Variants in LRRC7 observed in about 807,000 individuals in gnomAD.
LRRC7 encodes leucine-rich repeat-containing protein 7.
In LRRC7, 23 loss-of-function variants were observed where a neutral mutation model predicts 175.7. The observed-to-expected ratio is 0.13, with a 90% CI of 0.09 to 0.19. The LOEUF is 0.19. Ranked by LOEUF, LRRC7 falls within the 10% of genes least tolerant of loss-of-function variation. The pLI is 1.00. For synonymous variants in LRRC7, 685 were observed against 680.9 expected, an observed-to-expected ratio of 1.01 and a Z score of -0.09; for missense variants, 1,354 against 1,904.7, an observed-to-expected ratio of 0.71 and a Z score of 5.38.
At chr1:69,787,106 G>A (rs909248213) in intron 3 of LRRC7, among the ~76,000 whole-genome samples, 3 of 152,208 alleles carry the variant, frequency 2.0e-5, no homozygotes, top group South Asian at 2.1e-4. Context: ...CACAGGCCCC[G>A]TGCAAGTCCA....
At chr1:70,108,234 G>C (rs575438083) in intron 26 of LRRC7, among the ~76,000 whole-genome samples, 1 of 152,030 alleles carries the variant, frequency 6.6e-6, no homozygotes, top group South Asian at 2.1e-4. Context: ...GCTTATTACT[G>C]TTTGAATGCT....
intron 8 of LRRC7, among the ~76,000 whole-genome samples, chr1:69,980,003 G>A (rs12045140): frequency 0.043 from 6,522 of 152,020 alleles, 167 homozygotes; most frequent in South Asian, 0.1. Context: ...AGGGATGTGA[G>A]GATATAGTGA....
At chr1:69,923,072 G>T (rs1055026154) in intron 7 of LRRC7, among the ~76,000 whole-genome samples, 3 of 151,940 alleles carry the variant, frequency 2.0e-5, no homozygotes, top group African/African-American at 7.3e-5. Flanking sequence ...GCGGTGTTTG[G>T]TTTTTTGTCC....
chr1:69,726,842 C>G (rs891407895), intron 2 of LRRC7, among the ~76,000 whole-genome samples: 1 of 151,946 alleles, frequency 6.6e-6, no homozygotes, highest in African/African-American at 2.4e-5. Context: ...AAAAGAAAGT[C>G]TGAGTTCATA....
intron 1 of LRRC7, among the ~76,000 whole-genome samples, chr1:69,657,438 G>T (rs1368116134): frequency 1.3e-5 from 2 of 151,752 alleles, no homozygotes; most frequent in Non-Finnish European, 3.0e-5. Flanking sequence ...ATATATGGAA[G>T]CAGATTATAA....
intron 23 of LRRC7, among the ~76,000 whole-genome samples, chr1:70,058,764 T>G (rs750819845): frequency 7.9e-5 from 12 of 152,176 alleles, no homozygotes; most frequent in Non-Finnish European, 1.6e-4. Flanking sequence ...CCCTCCTATA[T>G]GTAACAGAAA....
intron 8 of LRRC7, among the ~76,000 whole-genome samples, chr1:69,974,527 T>C (rs1652614120): frequency 1.3e-5 from 2 of 152,196 alleles, no homozygotes; most frequent in African/African-American, 4.8e-5. Flanking sequence ...TCACTAATTT[T>C]TAACGGAAAC....
intron 23 of LRRC7, among the ~76,000 whole-genome samples, chr1:70,061,670 G>A (rs1661587917): frequency 6.6e-6 from 1 of 152,072 alleles, no homozygotes; most frequent in Non-Finnish European, 1.5e-5. Flanking sequence ...TTGACCAAAA[G>A]CCATTTTTTT....
intron 1 of LRRC7, among the ~76,000 whole-genome samples, chr1:69,615,100 G>A (rs1041790424): frequency 1.3e-5 from 2 of 151,868 alleles, no homozygotes; most frequent in Non-Finnish European, 2.9e-5. Context: ...TAAAATTATT[G>A]TTAAATTTTA....
intron 26 of LRRC7, among the ~76,000 whole-genome samples, chr1:70,121,563 G>T (rs1044877654): frequency 6.6e-6 from 1 of 152,010 alleles, no homozygotes; most frequent in South Asian, 2.1e-4. Context: ...TAGCACAGTG[G>T]CAAAGACATA....
chr1:69,719,283 C>G (rs966522265), intron 2 of LRRC7, among the ~76,000 whole-genome samples: 4 of 151,630 alleles, frequency 2.6e-5, no homozygotes, highest in Admixed American at 1.3e-4. Context: ...TTGGCATAGA[C>G]TAGGTACTCA....
Position 70,123,896 on chromosome 1 carries a change from G to A in LRRC7, c.*2009G>A, listed in dbSNP as rs975149136. Among the ~76,000 whole-genome samples the A allele has an allele frequency of 3.3e-5, 5 of 152,124 alleles. No homozygotes were observed. Among genetic ancestry groups the A allele is most frequent in the African/African-American group, 1.2e-4 (5 of 41,422 alleles). ...TGAAACATCTGAAATCATCCCATCA[G>A]TTTTTCTTAATCTTTTATGGGAGAA... On this transcript the variant is annotated 3_prime_UTR_variant, in exon 27 of 27. Coordinates refer to ENST00000651989, the MANE Select transcript of LRRC7 (RefSeq NM_001370785.2).
intron 8 of LRRC7, among the ~76,000 whole-genome samples, chr1:69,932,454 T>C (rs375612313): frequency 9.9e-5 from 15 of 152,258 alleles, no homozygotes; most frequent in African/African-American, 3.6e-4. Context: ...AGATAATGTA[T>C]GTACAGGACC....
intron 1 of LRRC7, among the ~76,000 whole-genome samples, chr1:69,622,856 A>G (rs1026356587): frequency 6.6e-6 from 1 of 152,158 alleles, no homozygotes; most frequent in African/African-American, 2.4e-5. Flanking sequence ...TGAAAACTCA[A>G]GTTACTAAAT....
chr1:69,837,775 G>A (rs1681279430), intron 6 of LRRC7, among the ~76,000 whole-genome samples: 2 of 151,374 alleles, frequency 1.3e-5, no homozygotes, highest in Admixed American at 1.3e-4. Flanking sequence ...TTAATTTTAG[G>A]AAAATGATAT....
chr1:69,905,252 T>TTTATTA (rs36050545), intron 7 of LRRC7, among the ~76,000 whole-genome samples: 132 of 150,090 alleles, frequency 8.8e-4, no homozygotes, highest in Non-Finnish European at 1.2e-3. Context: ...GTAAGTTCTT[T>TTTATTA]TTATTATTAT....
At chr1:69,937,414 G>C (rs1648157576) in intron 8 of LRRC7, among the ~76,000 whole-genome samples, 1 of 151,902 alleles carries the variant, frequency 6.6e-6, no homozygotes, top group Non-Finnish European at 1.5e-5. Context: ...TGCATTTATT[G>C]ATATTCCATT....
chr1:69,908,078 A>G (rs1029198527), intron 7 of LRRC7, among the ~76,000 whole-genome samples: 6 of 152,000 alleles, frequency 3.9e-5, no homozygotes, highest in Non-Finnish European at 5.9e-5. Flanking sequence ...TCTGATGGTA[A>G]TTTGTATTTC....
intron 23 of LRRC7, among the ~76,000 whole-genome samples, chr1:70,072,757 G>C (rs4650026): frequency 0.15 from 23,381 of 152,224 alleles, 2,870 homozygotes; most frequent in African/African-American, 0.33. Context: ...AACTGTAAAG[G>C]TCGAAGTCAC....
Sources: gnomAD v4.1 joint callset for allele counts (sites outside exome capture counted in the v4.1 genomes callset) on GRCh38, gnomAD v4.1.1 for gene constraint, MANE v1.5 for transcripts, NCBI Gene and HGNC (gene_info 2026-07-23, HGNC 2026-07-21) for gene names.